The following PIK3R6 variants were observed in gnomAD, a reference collection of about 807,000 sequenced individuals.
The protein encoded by PIK3R6 is phosphoinositide-3-kinase regulatory subunit 6.
In PIK3R6, 91 loss-of-function variants were observed where a neutral mutation model predicts 84.9. The observed-to-expected ratio is 1.07, with a 90% CI of 0.90 to 1.28. The LOEUF (loss-of-function observed/expected upper bound fraction) is 1.28, where lower values mean the gene tolerates loss of function less well. PIK3R6 is among the 50% of genes most tolerant of loss of function. The pLI is 0.00. For missense variants in PIK3R6, 996 were observed against 985.1 expected (o/e 1.01, Z -0.15); for synonymous variants, 416 against 411.4 (o/e 1.01, Z -0.13).
intron 13 of PIK3R6, among the ~76,000 whole-genome samples, chr17:8,825,113 C>G (rs2087875331): frequency 6.6e-6 from 1 of 152,166 alleles, no homozygotes; most frequent in Non-Finnish European, 1.5e-5. Flanking sequence ...CACTATCACA[C>G]ACGAGTAATA....
chr17:8,857,278 G>T (rs963969752), intron 1 of PIK3R6, among the ~76,000 whole-genome samples: 5 of 152,188 alleles, frequency 3.3e-5, no homozygotes, highest in African/African-American at 4.8e-5. Flanking sequence ...AGTGGACAAT[G>T]AATACCTATT....
At chr17:8,829,381 C>T (rs950203140) in intron 10 of PIK3R6, among the ~76,000 whole-genome samples, 3 of 150,876 alleles carry the variant, frequency 2.0e-5, no homozygotes, top group Non-Finnish European at 2.9e-5. Context: ...TGGATACACA[C>T]ACTGACACAC....
chr17:8,824,874 T>C (rs2087867573), intron 13 of PIK3R6, among the ~76,000 whole-genome samples: 1 of 152,124 alleles, frequency 6.6e-6, no homozygotes, highest in Non-Finnish European at 1.5e-5. Flanking sequence ...GAATAAAATA[T>C]GTAAGAAGAC....
chr17:8,829,364 A>C (rs531658940), intron 10 of PIK3R6, among the ~76,000 whole-genome samples: 1 of 138,060 alleles, frequency 7.2e-6, no homozygotes, highest in Non-Finnish European at 1.6e-5. Flanking sequence ...TGACACACAC[A>C]CATGCATGGA....
intron 18 of PIK3R6, among the ~76,000 whole-genome samples, chr17:8,806,023 A>G (rs759135954): frequency 6.6e-6 from 1 of 151,966 alleles, no homozygotes; most frequent in Non-Finnish European, 1.5e-5. Flanking sequence ...AGTGGAACCT[A>G]GTAGGCACTG....
chr17:8,855,622 C>T (rs1471098529), intron 1 of PIK3R6, among the ~76,000 whole-genome samples: 1 of 152,174 alleles, frequency 6.6e-6, no homozygotes, highest in Non-Finnish European at 1.5e-5. Context: ...ACTTTAAGTT[C>T]TGGGATACAT....
chr17:8,848,620 C>T (rs568942035), intron 2 of PIK3R6, among the ~76,000 whole-genome samples: 189 of 152,212 alleles, frequency 1.2e-3, no homozygotes, highest in Non-Finnish European at 2.3e-3. Flanking sequence ...CTTATGGGAC[C>T]GCTGCTGTTT....
chr17:8,823,177 C>G, intron 14 of PIK3R6, 91 bp from the exon 15 acceptor site: 1 of 1,037,802 alleles, frequency 9.6e-7, no homozygotes, highest in East Asian at 2.4e-5. Flanking sequence ...ATGGAGAACC[C>G]TTCCACATAA....
At chr17:8,848,179 C>G (rs1293084655) in intron 2 of PIK3R6, among the ~76,000 whole-genome samples, 1 of 152,210 alleles carries the variant, frequency 6.6e-6, no homozygotes, top group Non-Finnish European at 1.5e-5. Context: ...CCTGCCCTTT[C>G]TGGTGTCTGG....
At chr17:8,816,347 C>T (rs1315387154) in intron 18 of PIK3R6, among the ~76,000 whole-genome samples, 3 of 152,112 alleles carry the variant, frequency 2.0e-5, no homozygotes, top group Non-Finnish European at 4.4e-5. Flanking sequence ...GATAAGAGAG[C>T]ATTGTCCATA....
intron 7 of PIK3R6, among the ~76,000 whole-genome samples, chr17:8,836,334 ACCTAT>A (rs2088465449): frequency 6.6e-6 from 1 of 152,120 alleles, no homozygotes; most frequent in African/African-American, 2.4e-5. Flanking sequence ...GAGAAGAAAG[ACCTAT>A]CCTGTGTTCA....
Position 8,839,133 on chromosome 17 carries a change from C to T in PIK3R6, c.98-478G>A, listed in dbSNP as rs996603006. Reference sequence around the variant, plus strand: ...GAGGCTGAGACAGGCGGGTCACTTGCGGTCAGGAGTTCGAGACCAACCTGG... The same window carrying T: ...GAGGCTGAGACAGGCGGGTCACTTGTGGTCAGGAGTTCGAGACCAACCTGG... On this transcript the variant is annotated intron_variant, in intron 3 of 19. Coordinates refer to ENST00000619866, the MANE Select transcript of PIK3R6 (RefSeq NM_001010855.4). The surrounding 1 kb of genome is among the most constrained non-coding windows in gnomAD (Gnocchi z 4.2). 4.6e-5 allele frequency among the ~76,000 whole-genome samples: 7 copies of T among 151,946 alleles called. No individual in the cohort carries two copies. The highest frequency in any genetic ancestry group is 1.7e-4 in the African/African-American group (7 of 41,358).
intron 1 of PIK3R6, among the ~76,000 whole-genome samples, chr17:8,850,790 C>A (rs1021564377): frequency 6.6e-6 from 1 of 152,062 alleles, no homozygotes; most frequent in African/African-American, 2.4e-5. Context: ...TGATAAATGT[C>A]ATATATATAT....
At chr17:8,854,721 T>C (rs1419225020) in intron 1 of PIK3R6, among the ~76,000 whole-genome samples, 1 of 152,200 alleles carries the variant, frequency 6.6e-6, no homozygotes, top group African/African-American at 2.4e-5. Context: ...TAGATTTGAA[T>C]GTAAAATTCA....
At chr17:8,847,180 T>C (rs1281717635) in intron 2 of PIK3R6, among the ~76,000 whole-genome samples, 1 of 152,174 alleles carries the variant, frequency 6.6e-6, no homozygotes, top group Non-Finnish European at 1.5e-5. Context: ...GTTTGATAGA[T>C]TCCAGGTCTA....
intron 18 of PIK3R6, among the ~76,000 whole-genome samples, chr17:8,814,845 A>G (rs1224120527): frequency 6.6e-6 from 1 of 152,212 alleles, no homozygotes; most frequent in African/African-American, 2.4e-5. Flanking sequence ...GATGAATGAA[A>G]AAAGATCCCA....
intron 18 of PIK3R6, among the ~76,000 whole-genome samples, chr17:8,817,165 AGG>A (rs2087567506): frequency 6.6e-6 from 1 of 152,236 alleles, no homozygotes; most frequent in Non-Finnish European, 1.5e-5. Flanking sequence ...AAAATCACCA[AGG>A]TATAGACCAG....
intron 5 of PIK3R6, 82 bp downstream of exon 5, chr17:8,837,721 C>G (rs2088526766): frequency 1.5e-5 from 18 of 1,235,932 alleles, no homozygotes; most frequent in Non-Finnish European, 2.1e-5. Flanking sequence ...CTGGCGGAGA[C>G]TGAGTGCCCA....
In PIK3R6 at chr17:8,839,546, G is replaced by T; in HGVS notation, c.97+68C>A. ...CAGGCCGGGGCTCTTTCCTGTATGC[G>T]CGTGTATTGTTGGCTGGGGTTGGGT... On this transcript the variant is annotated intron_variant, in intron 3 of 19. Coordinates refer to ENST00000619866, the MANE Select transcript of PIK3R6 (RefSeq NM_001010855.4). The surrounding 1 kb of genome is among the most constrained non-coding windows in gnomAD (Gnocchi z 4.2). The T allele has an allele frequency of 1.5e-6, 2 of 1,309,646 alleles. No homozygotes were observed. The highest frequency in any genetic ancestry group is 2.1e-6 in the Non-Finnish European group (2 of 937,156). The allele number at this position is 1,309,646 out of a possible 1,614,324, so 81.1% of individuals were successfully genotyped here.
Sources: gnomAD v4.1 joint callset for allele counts (sites outside exome capture counted in the v4.1 genomes callset) on GRCh38, gnomAD v4.1.1 for gene constraint, Gnocchi (gnomAD v3.1) non-coding constraint, MANE v1.5 for transcripts, NCBI Gene and HGNC (gene_info 2026-07-23, HGNC 2026-07-21) for gene names.